The following TMEM232 variants were observed in gnomAD, a reference collection of about 807,000 sequenced individuals.
TMEM232 encodes transmembrane protein 232.
A neutral mutation model predicts 78.8 loss-of-function variants in TMEM232; 80 were observed. That is an observed-to-expected ratio of 1.01 (90% CI 0.85 to 1.22). The LOEUF (loss-of-function observed/expected upper bound fraction) is 1.22. TMEM232 is among the 50% of genes most tolerant of loss of function. TMEM232 has a pLI of 0.00. For synonymous variants in TMEM232, 297 were observed against 254.3 expected, an observed-to-expected ratio of 1.17 and a Z score of -1.60; for missense variants, 881 against 742.2, an observed-to-expected ratio of 1.19 and a Z score of -2.17.
At chr5:110,712,619 A>G (rs534168798) in intron 1 of TMEM232, among the ~76,000 whole-genome samples, 106 of 152,318 alleles carry the variant, frequency 7.0e-4, no homozygotes, top group Middle Eastern at 3.4e-3. Flanking sequence ...AATGGAAAGA[A>G]CGTCCCCTTT....
chr5:110,627,999 A>T (rs1236855090), intron 5 of TMEM232, 119 bp from the exon 6 acceptor site: 5 of 729,680 alleles, frequency 6.9e-6, no homozygotes, highest in Non-Finnish European at 1.1e-5. Flanking sequence ...TTTTAAACTC[A>T]CTCAATATTA....
rs569732807 is a variant in TMEM232 at position 110,454,285 on chromosome 5, A to T, written c.1704-29369T>A. On this transcript the variant is annotated intron_variant, in intron 12 of 13. Coordinates refer to ENST00000455884, the MANE Select transcript of TMEM232 (RefSeq NM_001039763.4). ...CAAATCATAACAAATTTAAACAAAT[A>T]AAAAAATCACACCAAGTGAATTATA... Among the ~76,000 whole-genome samples, 160 of 152,228 alleles carry T rather than the reference A, an allele frequency of 1.1e-3. No individual in the cohort carries two copies. The Middle Eastern group carries it at 0.038, about 36-fold the overall frequency.
intron 10 of TMEM232, among the ~76,000 whole-genome samples, chr5:110,589,037 G>A (rs1779185601): frequency 6.6e-6 from 1 of 152,002 alleles, no homozygotes; most frequent in Non-Finnish European, 1.5e-5. Flanking sequence ...TTTTCACTGT[G>A]AAGCCAAAGT....
At chr5:110,499,038 A>G (rs1765921955) in intron 12 of TMEM232, among the ~76,000 whole-genome samples, 1 of 152,162 alleles carries the variant, frequency 6.6e-6, no homozygotes, top group South Asian at 2.1e-4. Context: ...ACCTTAAACA[A>G]CTGCTAAATA....
intron 1 of TMEM232, among the ~76,000 whole-genome samples, chr5:110,691,964 AG>A (rs1487541459): frequency 2.6e-5 from 4 of 152,112 alleles, no homozygotes; most frequent in African/African-American, 9.7e-5. Context: ...TCTGTCGCCC[AG>A]GCTGGAGTGC....
chr5:110,490,338 A>G (rs1764951671), intron 12 of TMEM232, among the ~76,000 whole-genome samples: 1 of 152,162 alleles, frequency 6.6e-6, no homozygotes, highest in Non-Finnish European at 1.5e-5. Flanking sequence ...TACACTAAAA[A>G]TTACAGAATA....
intron 12 of TMEM232, among the ~76,000 whole-genome samples, chr5:110,524,452 A>AG (rs1491475886): frequency 4.0e-5 from 6 of 151,766 alleles, no homozygotes; most frequent in African/African-American, 1.5e-4. Context: ...AAGGAAAGAA[A>AG]GAAAGAAAAA....
intron 13 of TMEM232, among the ~76,000 whole-genome samples, chr5:110,423,154 C>G (rs311691): frequency 0.036 from 5,426 of 152,178 alleles, 185 homozygotes; most frequent in African/African-American, 0.08. Context: ...TATTGCAGAT[C>G]CCATCCTCCC....
Position 110,568,570 on chromosome 5 carries a change from A to T in TMEM232, c.1332T>A (p.Ile444=). 6.5e-7 allele frequency: 1 copy of T among 1,549,554 alleles called. No homozygotes were observed. The highest frequency in any genetic ancestry group is 1.4e-5 in the African/African-American group (1 of 72,966). Residue 444 remains isoleucine (I), a synonymous_variant, in exon 11 of 14, where the codon ATT becomes ATA. Transcript: ENST00000455884. The part of the protein sequence containing the change: ...YYGLVYNLVK[I]SWELQGDEEQ... ...CTTCGTCTCCTTGAAGTTCCCATGA[A>T]ATTTTCACCAGGTTATACACTAAGC...
At chr5:110,389,268 C>CAAATAAACAAACAAAACA (rs1554071481) in intron 4 of TMEM232, among the ~76,000 whole-genome samples, 1 of 151,250 alleles carries the variant, frequency 6.6e-6, no homozygotes, top group South Asian at 2.1e-4. Context: ...CTCAAACAAA[C>CAAATAAACAAACAAAACA]AAACAAAACA....
At chr5:110,726,024 T>C (rs1013903444) in intron 1 of TMEM232, among the ~76,000 whole-genome samples, 2 of 151,962 alleles carry the variant, frequency 1.3e-5, no homozygotes, top group Admixed American at 6.6e-5. Context: ...ATTTTTCTAA[T>C]AGACAACTTG....
At chr5:110,709,812 T>C (rs116398263) in intron 1 of TMEM232, among the ~76,000 whole-genome samples, 6,161 of 151,964 alleles carry the variant, frequency 0.041, 193 homozygotes, top group South Asian at 0.069. Context: ...AACCTAATGA[T>C]GCATCTTAAA....
intron 2 of TMEM232, among the ~76,000 whole-genome samples, chr5:110,410,204 T>C (rs1448954771): frequency 2.6e-5 from 4 of 152,194 alleles, no homozygotes; most frequent in Non-Finnish European, 4.4e-5. Flanking sequence ...TAAATTTGAG[T>C]GTGGCCTTCC....
chr5:110,615,775 T>C (rs544554444), intron 8 of TMEM232, among the ~76,000 whole-genome samples: 3 of 152,122 alleles, frequency 2.0e-5, no homozygotes, highest in Admixed American at 6.5e-5. Context: ...TGTTAGACTT[T>C]AAATGAATTC....
chr5:110,534,456 G>A (rs1290518619), intron 11 of TMEM232, among the ~76,000 whole-genome samples: 3 of 152,172 alleles, frequency 2.0e-5, no homozygotes, highest in African/African-American at 7.2e-5. Flanking sequence ...TCCTCAGAAT[G>A]CTACAAAGTA....
At chr5:110,534,964 T>C (rs879828908) in intron 11 of TMEM232, among the ~76,000 whole-genome samples, 26 of 152,080 alleles carry the variant, frequency 1.7e-4, no homozygotes, top group Non-Finnish European at 2.6e-4. Context: ...GCTTAATCTC[T>C]CCCACTATAA....
chr5:110,622,289 T>C (rs1783847446), intron 7 of TMEM232, among the ~76,000 whole-genome samples: 1 of 152,196 alleles, frequency 6.6e-6, no homozygotes, highest in South Asian at 2.1e-4. Context: ...CATACTAGAA[T>C]GTAAACTCTG....
At chr5:110,671,783 ATACT>A (rs1221715795) in intron 1 of TMEM232, among the ~76,000 whole-genome samples, 2 of 152,166 alleles carry the variant, frequency 1.3e-5, no homozygotes, top group South Asian at 2.1e-4. Flanking sequence ...ATTAAGAGAA[ATACT>A]TAATGTAGAT....
chr5:110,534,034 G>GC (rs1211587400), intron 11 of TMEM232, among the ~76,000 whole-genome samples: 1 of 152,052 alleles, frequency 6.6e-6, no homozygotes, highest in East Asian at 1.9e-4. Context: ...TCCAGGATTT[G>GC]CCCCCGCCCA....
Sources: gnomAD v4.1 joint callset for allele counts (sites outside exome capture counted in the v4.1 genomes callset) on GRCh38, gnomAD v4.1.1 for gene constraint, MANE v1.5 for transcripts, NCBI Gene and HGNC (gene_info 2026-07-23, HGNC 2026-07-21) for gene names.